LYSMD4: variants seen among roughly 807,000 people sequenced by gnomAD.
The protein encoded by LYSMD4 is LysM domain containing 4.
In LYSMD4, 9 loss-of-function variants were observed where a neutral mutation model predicts 6.1. That is an observed-to-expected ratio of 1.47 (90% confidence interval 0.88 to 2.56). LYSMD4 has a LOEUF of 2.56. LYSMD4 is among the 30% of genes most tolerant of loss of function. The pLI is 0.00. For synonymous variants in LYSMD4, 143 were observed against 148.5 expected (o/e 0.96, Z 0.27); for missense variants, 384 against 373.5 (o/e 1.03, Z -0.23).
At chr15:99,730,453 A>G (rs1408486140) in intron 2 of LYSMD4, among the ~76,000 whole-genome samples, 1 of 152,190 alleles carries the variant, frequency 6.6e-6, no homozygotes, top group Admixed American at 6.5e-5. Context: ...TCAAAGGGTA[A>G]CCCCTCCCTC....
chr15:99,729,887 GT>G, intron 2 of LYSMD4, among the ~76,000 whole-genome samples, 156 bp from the exon 3 acceptor site: 1 of 152,312 alleles, frequency 6.6e-6, no homozygotes, highest in South Asian at 2.1e-4. Context: ...CACAAAGTTA[GT>G]TTAGGCTGAA....
At position 99,733,399 on chromosome 15, in the gene LYSMD4, C is replaced by CGACCCGCGACCT. The variant is rs2059475167; in HGVS notation, c.-64_-63insAGGTCGCGGGTC. ...GACCGGCGACTCGCGACCCGCGACC[C>CGACCCGCGACCT]GCGACCCGCAGCTGCCACCGCGCCT... is the stretch of plus-strand genomic sequence containing the variant. On this transcript the variant is annotated 5_prime_UTR_variant, in exon 1 of 3. Coordinates refer to ENST00000684762, the MANE Select transcript of LYSMD4 (RefSeq NM_001284417.2). 2 of 395,774 alleles carry CGACCCGCGACCT rather than the reference C, an allele frequency of 5.1e-6. No individual in the cohort carries two copies. Among genetic ancestry groups the CGACCCGCGACCT allele is most frequent in the African/African-American group, 4.1e-5 (2 of 48,428 alleles). 24.5% of individuals were successfully genotyped at this position (395,774 alleles called of 1,614,324 possible). A position where few individuals can be genotyped will look rare whatever the true frequency, so the allele number is the denominator to read the frequency against.
At position 99,732,022 on chromosome 15, in the gene LYSMD4, G is replaced by C. The variant is rs778818421; in HGVS notation, c.-8-15C>G. ...CATTTTCTTCACTGAAAATCAAGCC[G>C]GAGGGTTAATTCCACAGAAGACATA... On this transcript the variant is annotated splice_polypyrimidine_tract_variant and intron_variant, in intron 1 of 2. Transcript: ENST00000684762. 3.9e-6 allele frequency: 6 copies of C among 1,536,682 alleles called. No homozygotes were observed. Among genetic ancestry groups the C allele is most frequent in the African/African-American group, 1.4e-5 (1 of 73,100 alleles).
chr15:99,729,958 A>G (rs746758301), intron 2 of LYSMD4, among the ~76,000 whole-genome samples: 29 of 152,230 alleles, frequency 1.9e-4, no homozygotes, highest in Admixed American at 3.3e-4. Context: ...AGATATTCCT[A>G]AAGATTTACA....
chr15:99,730,260 G>A (rs1366098808), intron 2 of LYSMD4, among the ~76,000 whole-genome samples: 2 of 152,138 alleles, frequency 1.3e-5, no homozygotes, highest in African/African-American at 4.8e-5. Flanking sequence ...ATATGCCCTC[G>A]GCATTTTCTT....
At chr15:99,732,771 G>A (rs563435772) in intron 1 of LYSMD4, among the ~76,000 whole-genome samples, 1 of 152,268 alleles carries the variant, frequency 6.6e-6, no homozygotes, top group Non-Finnish European at 1.5e-5. Context: ...CGGAGCCACA[G>A]GGGAGCAGCC....
chr15:99,722,566 G>GGGAGAGA (rs2059245242), downstream of LYSMD4, among the ~76,000 whole-genome samples: 2 of 152,184 alleles, frequency 1.3e-5, no homozygotes, highest in African/African-American at 4.8e-5. Flanking sequence ...GGCAGATGGA[G>GGGAGAGA]GGAGAGATCA....
chr15:99,725,429 C>A (rs1567547367), downstream of LYSMD4, among the ~76,000 whole-genome samples: 3 of 152,116 alleles, frequency 2.0e-5, no homozygotes, highest in Non-Finnish European at 4.4e-5. Context: ...AAGCTCGGAG[C>A]CTTTGCGGCC....
chr15:99,731,186 A>C, intron 2 of LYSMD4: 1 of 1,613,024 alleles, frequency 6.2e-7, no homozygotes, highest in Non-Finnish European at 8.5e-7. Context: ...GCCATTGTTA[A>C]TCACTCTGAA....
In LYSMD4 at chr15:99,731,710, T is replaced by C. The variant is rs1302236138; in HGVS notation, c.282+8A>G. 1 of 1,577,992 alleles carries C rather than the reference T, an allele frequency of 6.3e-7. No homozygotes were observed. The highest frequency in any genetic ancestry group is 8.6e-7 in the Non-Finnish European group (1 of 1,163,132). On this transcript the variant is annotated splice_region_variant and intron_variant, in intron 2 of 2. Transcript: ENST00000684762. ...GGAGCGGGGCAGGGCCCCTGAGGGG[T>C]GTCTTACTTTGCAGCCATACTGCAG...
upstream of LYSMD4, among the ~76,000 whole-genome samples, chr15:99,721,455 G>A (rs1477535898): frequency 2.6e-5 from 4 of 152,202 alleles, no homozygotes; most frequent in African/African-American, 9.6e-5. Context: ...AGGGAGCCTG[G>A]CACTTGACAG....
At chr15:99,725,350 C>T (rs2141103593), downstream of LYSMD4, among the ~76,000 whole-genome samples, 1 of 152,298 alleles carries the variant, frequency 6.6e-6, no homozygotes, top group South Asian at 2.1e-4. Context: ...CATGTGTCTG[C>T]CCTTTTGACC....
downstream of LYSMD4, among the ~76,000 whole-genome samples, chr15:99,723,060 A>G (rs1182245028): frequency 2.0e-5 from 3 of 151,978 alleles, no homozygotes; most frequent in Non-Finnish European, 2.9e-5. Context: ...AAAAGGACGC[A>G]CTGAATGGAA....
In LYSMD4 at chr15:99,729,177, T is replaced by C; in HGVS notation, c.837A>G (p.Pro279=). The C allele has an allele frequency of 6.2e-7, 1 of 1,614,226 alleles. No homozygotes were observed. Among genetic ancestry groups the C allele is most frequent in the Non-Finnish European group, 8.5e-7 (1 of 1,180,034 alleles). Residue 279 remains proline (P), a synonymous_variant, in exon 3 of 3, where the codon CCA becomes CCG. Coordinates refer to ENST00000684762, the MANE Select transcript of LYSMD4 (RefSeq NM_001284417.2). Reference sequence around the variant, plus strand: ...ACTGGCTGTCTGCAGAAGTGACGGCTGGCACTGCAACTGCTAGTCTGGGGG... The same window carrying C: ...ACTGGCTGTCTGCAGAAGTGACGGCCGGCACTGCAACTGCTAGTCTGGGGG... ...GQAPRLAVAV[P]AVTSADSQFS... is the part of the protein sequence containing the mutation.
downstream of LYSMD4, among the ~76,000 whole-genome samples, chr15:99,724,228 G>A (rs148073575): frequency 6.9e-6 from 1 of 145,274 alleles, no homozygotes; most frequent in East Asian, 1.9e-4. Flanking sequence ...GTGTTCTACC[G>A]TATCTCTACT....
At chr15:99,716,459 T>A (rs1016534290) in exon 1 of LYSMD4, 1 of 456,642 alleles carries the variant, frequency 2.2e-6, no homozygotes, top group African/African-American at 2.0e-5. Context: ...CCGCACTCAC[T>A]CCAGTAAAGA....
In LYSMD4 at chr15:99,729,603, C is replaced by T. The variant is rs145097118; in HGVS notation, c.411G>A (p.Leu137=). The change falls in exon 3 of 3, where the codon CTG becomes CTA. Residue 137 remains leucine (L), a synonymous_variant. Coordinates refer to ENST00000684762, the MANE Select transcript of LYSMD4 (RefSeq NM_001284417.2). Reference sequence around the variant, plus strand: ...TCACTGTGGTCTCGGAAGACGGGCTCAGAAGGGGTTTCAGTTCTTTGTGGG... The same window carrying T: ...TCACTGTGGTCTCGGAAGACGGGCTTAGAAGGGGTTTCAGTTCTTTGTGGG... The part of the protein sequence containing the change: ...METHKELKPL[L]SPSSETTVTV... 0.011 allele frequency: 17,494 copies of T among 1,614,124 alleles called. 102 individuals are homozygous for T. Among genetic ancestry groups the T allele is most frequent in the Non-Finnish European group, 0.013 (15,687 of 1,180,024 alleles).
chr15:99,731,833 T>C lies in LYSMD4; in HGVS notation c.167A>G (p.His56Arg), dbSNP rs1459156876. ...GGGAGGCTGGTGGACACCGCTCTTG[T>C]GGCGCTCCTTGCCCCGGGGCCGCAA... is the stretch of plus-strand genomic sequence containing the variant. ...VVLRPRGKER[H>R]KSGVHQPPQA... is the part of the protein sequence containing the mutation. Residue 56 changes from histidine (H) to arginine (R), a missense_variant, in exon 2 of 3, where the codon CAC (histidine) becomes CGC (arginine). His to Arg is a conservative substitution (Grantham distance 29). Coordinates refer to ENST00000684762, the MANE Select transcript of LYSMD4 (RefSeq NM_001284417.2). 3 of 1,613,104 alleles carry C rather than the reference T, an allele frequency of 1.9e-6. No individual in the cohort carries two copies. The highest frequency in any genetic ancestry group is 3.3e-5 in the Admixed American group (2 of 60,034).
rs1395672111 is a variant in LYSMD4 at position 99,727,817 on chromosome 15, C to G, written c.*1306G>C. 6.6e-6 allele frequency: 1 copy of G among 152,302 alleles called. No individual in the cohort carries two copies. The highest frequency in any genetic ancestry group is 2.4e-5 in the African/African-American group (1 of 41,472). The allele number at this position is 152,302 out of a possible 1,614,324, so 9.4% of individuals were successfully genotyped here. On this transcript the variant is annotated 3_prime_UTR_variant, in exon 3 of 3. Coordinates refer to ENST00000684762, the MANE Select transcript of LYSMD4 (RefSeq NM_001284417.2). ...TGAGTCAAAGGCCATCACTGTCCCT[C>G]CACCGAGCATCTGGGCAGTGTCTGC...
Sources: allele counts gnomAD v4.1 joint callset (sites outside exome capture counted in the v4.1 genomes callset), GRCh38; gene constraint gnomAD v4.1.1; transcripts MANE v1.5; gene names NCBI Gene and HGNC (gene_info 2026-07-23, HGNC 2026-07-21).